Variants in KCNH1 observed in about 807,000 individuals in gnomAD.
KCNH1 encodes potassium voltage-gated channel subfamily H member 1.
Under a neutral mutation model 69.2 loss-of-function variants are expected in KCNH1, and 27 were observed. The ratio of observed to expected loss-of-function variants is 0.39; its 90% CI spans 0.29 to 0.54. The LOEUF (loss-of-function observed/expected upper bound fraction) is 0.54, where lower values mean the gene tolerates loss of function less well. KCNH1 is among the 20% of genes least tolerant of loss of function. The pLI, the probability that KCNH1 is intolerant of heterozygous loss-of-function variation, is 0.68. For missense variants in KCNH1, 798 were observed against 1,261.6 expected (o/e 0.63, Z 5.57); for synonymous variants, 456 against 487.7 (o/e 0.93, Z 0.86).
chr1:210,901,101 C>T (rs1686985282), intron 7 of KCNH1, among the ~76,000 whole-genome samples: 1 of 152,096 alleles, frequency 6.6e-6, no homozygotes, highest in Non-Finnish European at 1.5e-5. Context: ...TCTCTACTTA[C>T]ATCTCTTGGA....
chr1:210,678,378 G>A lies in KCNH1; in HGVS notation c.*4903C>T, dbSNP rs1473041977. The A allele has an allele frequency of 6.6e-6, 1 of 151,764 alleles. No homozygotes were observed. Among genetic ancestry groups the A allele is most frequent in the Non-Finnish European group, 1.5e-5 (1 of 67,964 alleles). 9.4% of individuals were successfully genotyped at this position (151,764 alleles called of 1,614,324 possible). A position where few individuals can be genotyped will look rare whatever the true frequency, so the allele number is the denominator to read the frequency against. On this transcript the variant is annotated 3_prime_UTR_variant, in exon 11 of 11. Coordinates refer to ENST00000271751, the MANE Select transcript of KCNH1 (RefSeq NM_172362.3). ...TTTTTTTTTTACAAATATCATTTGT[G>A]CTTGTTTAAAAATGTTGAGAAGGGA...
rs184504314 is a variant in KCNH1, at chr1:211,053,798, C to T, written c.558+28982G>A. ...GACCCAATGGACTCCCACCAAAAAACTCCAGTTGCAGATAAGCTTACCACA... is the reference window on the plus strand; with the variant it reads ...GACCCAATGGACTCCCACCAAAAAATTCCAGTTGCAGATAAGCTTACCACA... On this transcript the variant is annotated intron_variant, in intron 5 of 10. Coordinates refer to ENST00000271751, the MANE Select transcript of KCNH1 (RefSeq NM_172362.3). 9.2e-5 allele frequency among the ~76,000 whole-genome samples: 14 copies of T among 152,254 alleles called. No homozygotes were observed. The East Asian group carries it at 2.5e-3, about 27-fold the overall frequency.
Position 210,735,282 on chromosome 1 carries a change from T to C in KCNH1, c.2112+40066A>G, listed in dbSNP as rs537868628. Among the ~76,000 whole-genome samples the C allele has an allele frequency of 1.7e-4, 26 of 152,306 alleles. 1 individual carries two copies. In the South Asian group the frequency reaches 5.0e-3, roughly 29 times the overall value. On this transcript the variant is annotated intron_variant, in intron 10 of 10. Coordinates refer to ENST00000271751, the MANE Select transcript of KCNH1 (RefSeq NM_172362.3). ...ACACCCCAGGCATCACCTTTCTTCT[T>C]CTACTTCCAGTATTTGTTGTCTGCC...
chr1:211,113,558 A>T lies in KCNH1; in HGVS notation c.80-6181T>A, dbSNP rs185283164. On this transcript the variant is annotated intron_variant, in intron 1 of 10. Coordinates refer to ENST00000271751, the MANE Select transcript of KCNH1 (RefSeq NM_172362.3). ...CAGTCCTGCTCCCATACAATGGAAG[A>T]GGAGAAGGAACAGGGGAGAAGAGGG... Among the ~76,000 whole-genome samples, 256 of 152,290 alleles carry T rather than the reference A, an allele frequency of 1.7e-3. 1 individual carries two copies. Among genetic ancestry groups the T allele is most frequent in the Non-Finnish European group, 3.2e-3 (219 of 68,028 alleles).
intron 7 of KCNH1, among the ~76,000 whole-genome samples, chr1:210,806,836 A>AAAATATAT (rs1553346591): frequency 3.5e-5 from 3 of 85,648 alleles, no homozygotes; most frequent in African/African-American, 1.5e-4. Flanking sequence ...AAAAAAAAAA[A>AAAATATAT]ATATATATAT....
chr1:210,945,016 G>A (rs1028201825), intron 6 of KCNH1, among the ~76,000 whole-genome samples: 4 of 152,190 alleles, frequency 2.6e-5, no homozygotes, highest in African/African-American at 9.7e-5. Flanking sequence ...TGCAATGTTT[G>A]TCCTTTTGTG....
intron 7 of KCNH1, among the ~76,000 whole-genome samples, chr1:210,884,772 C>T (rs1348974188): frequency 6.6e-5 from 10 of 152,224 alleles, no homozygotes; most frequent in Non-Finnish European, 7.3e-5. Context: ...TTGCCCTGCT[C>T]TCTGCCAGAC....
At chr1:210,957,482 T>C (rs1483414789) in intron 6 of KCNH1, among the ~76,000 whole-genome samples, 2 of 152,160 alleles carry the variant, frequency 1.3e-5, no homozygotes, top group Non-Finnish European at 2.9e-5. Context: ...TAACCTTCTA[T>C]CTCCTTGATT....
In KCNH1 at chr1:210,689,310, G is replaced by C. The variant is rs537695645; in HGVS notation, c.2113-5172C>G. Reference sequence around the variant, plus strand: ...CTGGGTTACATTAAAAGAAGGCCCAGCTCTTCTCGTGCCTAACCTGTTCTC... The same window carrying C: ...CTGGGTTACATTAAAAGAAGGCCCACCTCTTCTCGTGCCTAACCTGTTCTC... On this transcript the variant is annotated intron_variant, in intron 10 of 10. Transcript: ENST00000271751. 2.6e-5 allele frequency among the ~76,000 whole-genome samples: 4 copies of C among 152,342 alleles called. No homozygotes were observed. The East Asian group carries it at 7.7e-4, about 29-fold the overall frequency.
At chr1:210,707,359 G>A (rs941959583) in intron 10 of KCNH1, among the ~76,000 whole-genome samples, 11 of 152,148 alleles carry the variant, frequency 7.2e-5, no homozygotes, top group Non-Finnish European at 1.6e-4. Context: ...CAGTCTGCCT[G>A]TAATAAGGCA....
chr1:211,085,571 C>T (rs1044045714), intron 4 of KCNH1, among the ~76,000 whole-genome samples: 1 of 151,504 alleles, frequency 6.6e-6, no homozygotes, highest in Non-Finnish European at 1.5e-5. Flanking sequence ...GTGGCCTGGG[C>T]CAGGGGTCAA....
At chr1:210,851,270 T>C (rs2884335) in intron 7 of KCNH1, among the ~76,000 whole-genome samples, 127,261 of 152,276 alleles carry the variant, frequency 0.84, 53,362 homozygotes, top group African/African-American at 0.87. Flanking sequence ...TCTAGTGTGT[T>C]TGGGTACCTT....
intron 10 of KCNH1, among the ~76,000 whole-genome samples, chr1:210,736,985 A>G (rs1304665296): frequency 6.6e-6 from 1 of 152,210 alleles, no homozygotes; most frequent in African/African-American, 2.4e-5. Flanking sequence ...GCAGAATTAC[A>G]TGATTCAGCT....
At chr1:210,943,940 C>T (rs1205593742) in intron 6 of KCNH1, among the ~76,000 whole-genome samples, 1 of 152,118 alleles carries the variant, frequency 6.6e-6, no homozygotes, top group African/African-American at 2.4e-5. Context: ...TATACTGGGC[C>T]CAGGGACTGG....
intron 10 of KCNH1, among the ~76,000 whole-genome samples, chr1:210,761,745 G>A (rs1683528897): frequency 6.6e-6 from 1 of 152,122 alleles, no homozygotes; most frequent in African/African-American, 2.4e-5. Flanking sequence ...AGATTTATAA[G>A]ACTATTATTT....
At chr1:211,107,204 A>G (rs1261618506) in intron 2 of KCNH1, 50 bp downstream of exon 2, 2 of 1,601,924 alleles carry the variant, frequency 1.2e-6, no homozygotes, top group South Asian at 2.2e-5. Context: ...TTCTTTTTCC[A>G]AAAGATACCA....
In KCNH1 at chr1:211,134,015, G is replaced by T; in HGVS notation, c.-70C>A. 1 of 1,380,580 alleles carries T rather than the reference G, an allele frequency of 7.2e-7. No individual in the cohort carries two copies. The allele number at this position is 1,380,580 out of a possible 1,614,324, so 85.5% of individuals were successfully genotyped here. On this transcript the variant is annotated 5_prime_UTR_variant, in exon 1 of 11. Coordinates refer to ENST00000271751, the MANE Select transcript of KCNH1 (RefSeq NM_172362.3). This position sits in a 1 kb window ranked among gnomAD's most constrained non-coding sequence, Gnocchi z 5.7. ...TTACGACAGCAGGAAACTGGCCTCGGGGCCCGCACGCAGTCCCGGCTCGAA... is the reference window on the plus strand; with the variant it reads ...TTACGACAGCAGGAAACTGGCCTCGTGGCCCGCACGCAGTCCCGGCTCGAA...
intron 6 of KCNH1, among the ~76,000 whole-genome samples, chr1:210,975,946 GA>G (rs1688599896): frequency 6.6e-6 from 1 of 152,192 alleles, no homozygotes; most frequent in Non-Finnish European, 1.5e-5. Context: ...CGAAGGATAT[GA>G]ACAGACACTT....
chr1:210,968,123 T>C (rs1169112055), intron 6 of KCNH1, among the ~76,000 whole-genome samples: 1 of 149,714 alleles, frequency 6.7e-6, no homozygotes, highest in Non-Finnish European at 1.5e-5. Context: ...CGGTGTTTGG[T>C]TTTTTGTTCT....
Sources: gnomAD v4.1 joint callset for allele counts (sites outside exome capture counted in the v4.1 genomes callset) on GRCh38, gnomAD v4.1.1 for gene constraint, Gnocchi (gnomAD v3.1) non-coding constraint, MANE v1.5 for transcripts, NCBI Gene and HGNC (gene_info 2026-07-23, HGNC 2026-07-21) for gene names.